The following CLIP4 variants were observed in gnomAD, a reference collection of about 807,000 sequenced individuals.
CLIP4 encodes CAP-Gly domain-containing linker protein 4.
Under a neutral mutation model 73.1 loss-of-function variants are expected in CLIP4, and 47 were observed. The ratio of observed to expected loss-of-function variants is 0.64; its 90% CI spans 0.51 to 0.82. The LOEUF (loss-of-function observed/expected upper bound fraction) is 0.82. Ranked by LOEUF, CLIP4 falls within the 40% of genes least tolerant of loss-of-function variation. The pLI is 0.00. For synonymous variants in CLIP4, 306 were observed against 295.4 expected, an observed-to-expected ratio of 1.04 and a Z score of -0.37; for missense variants, 874 against 852.9, an observed-to-expected ratio of 1.02 and a Z score of -0.31.
intron 7 of CLIP4, among the ~76,000 whole-genome samples, chr2:29,144,400 G>A (rs780597874): frequency 6.6e-6 from 1 of 152,136 alleles, no homozygotes; most frequent in South Asian, 2.1e-4. Flanking sequence ...ATAAGGATTT[G>A]TGTGGAAAAG....
chr2:29,104,197 C>T (rs1268910832), intron 1 of CLIP4, among the ~76,000 whole-genome samples: 3 of 152,202 alleles, frequency 2.0e-5, no homozygotes, highest in Non-Finnish European at 4.4e-5. Context: ...TTTACTCATA[C>T]TAAGAATTAC....
upstream of CLIP4, among the ~76,000 whole-genome samples, chr2:29,111,752 G>A (rs1336026468): frequency 6.6e-6 from 1 of 152,028 alleles, no homozygotes; most frequent in Non-Finnish European, 1.5e-5. Flanking sequence ...TTTTTTCTAT[G>A]GTATTCTTAA....
intron 12 of CLIP4, among the ~76,000 whole-genome samples, chr2:29,163,134 C>T (rs1384355139): frequency 6.6e-6 from 1 of 151,970 alleles, no homozygotes. Context: ...TTAAAGCAAC[C>T]TTGCTACTTT....
intron 6 of CLIP4, among the ~76,000 whole-genome samples, chr2:29,138,109 G>A (rs1332914724): frequency 6.6e-6 from 1 of 152,064 alleles, no homozygotes; most frequent in Non-Finnish European, 1.5e-5. Flanking sequence ...GTATTTCCTA[G>A]GTTTTCGTCT....
chr2:29,148,397 T>G (rs944519907), intron 8 of CLIP4, among the ~76,000 whole-genome samples: 83 of 152,384 alleles, frequency 5.4e-4, no homozygotes, highest in Non-Finnish European at 9.3e-4. Flanking sequence ...TCTATTGATC[T>G]GTTAATTCTC....
At chr2:29,099,448 T>C (rs1667976233) in intron 1 of CLIP4, among the ~76,000 whole-genome samples, 1 of 152,244 alleles carries the variant, frequency 6.6e-6, no homozygotes, top group Non-Finnish European at 1.5e-5. Context: ...TAGGGCCATT[T>C]ATTTAAAAGA....
chr2:29,158,042 T>A (rs1001798772), intron 11 of CLIP4, among the ~76,000 whole-genome samples: 4 of 152,160 alleles, frequency 2.6e-5, no homozygotes, highest in Non-Finnish European at 5.9e-5. Flanking sequence ...GACAGATTTC[T>A]AAAAAAATAC....
intron 2 of CLIP4, chr2:29,130,947 T>C: frequency 7.8e-7 from 1 of 1,279,154 alleles, no homozygotes; most frequent in Non-Finnish European, 1.0e-6. Flanking sequence ...GAGACAGACC[T>C]GGTTTTCTAC....
At chr2:29,158,946 T>A (rs1191290654) in intron 11 of CLIP4, among the ~76,000 whole-genome samples, 1 of 152,176 alleles carries the variant, frequency 6.6e-6, no homozygotes, top group South Asian at 2.1e-4. Context: ...TGTGTCCCAC[T>A]GTTGAACTTG....
chr2:29,181,516 T>A, intron 15 of CLIP4, 56 bp from the exon 16 acceptor site: 2 of 1,363,904 alleles, frequency 1.5e-6, no homozygotes, highest in Non-Finnish European at 2.0e-6. Flanking sequence ...ATATGATGCA[T>A]TGCATTACGT....
intron 2 of CLIP4, chr2:29,129,955 A>C: frequency 2.1e-6 from 1 of 470,810 alleles, no homozygotes; most frequent in Admixed American, 2.3e-5. Context: ...GGTCTTAACT[A>C]TTAAGGATTC....
At position 29,182,716 on chromosome 2, in the gene CLIP4, T is replaced by C. The variant is rs1451661569; in HGVS notation, c.*823T>C. On this transcript the variant is annotated 3_prime_UTR_variant, in exon 16 of 16. Coordinates refer to ENST00000320081, the MANE Select transcript of CLIP4 (RefSeq NM_024692.6). ...AAGGTTTATGAATTCAAGTAATAAT[T>C]AGATTTTTTTTGCACAGACTTACTT... is the stretch of plus-strand genomic sequence containing the variant. 1 of 152,648 alleles carries C rather than the reference T, an allele frequency of 6.6e-6. No individual in the cohort carries two copies. Among genetic ancestry groups the C allele is most frequent in the African/African-American group, 2.4e-5 (1 of 41,464 alleles). The allele number at this position is 152,648 out of a possible 1,614,324, so 9.5% of individuals were successfully genotyped here.
intron 12 of CLIP4, among the ~76,000 whole-genome samples, chr2:29,163,096 A>C (rs1316264072): frequency 6.6e-6 from 1 of 152,022 alleles, no homozygotes; most frequent in Non-Finnish European, 1.5e-5. Flanking sequence ...TTTTGTGTCC[A>C]TTTACCTTAT....
chr2:29,154,119 C>T (rs1431488447), intron 9 of CLIP4, among the ~76,000 whole-genome samples: 1 of 152,082 alleles, frequency 6.6e-6, no homozygotes, highest in African/African-American at 2.4e-5. Context: ...TTTTTTTCTA[C>T]AGGTATTTTA....
At chr2:29,148,989 G>T (rs1225022320) in intron 8 of CLIP4, among the ~76,000 whole-genome samples, 1 of 152,202 alleles carries the variant, frequency 6.6e-6, no homozygotes, top group African/African-American at 2.4e-5. Context: ...TATTCTCTCA[G>T]TATATTTAAG....
intron 5 of CLIP4, among the ~76,000 whole-genome samples, chr2:29,134,882 C>T (rs1665237072): frequency 6.6e-6 from 1 of 152,114 alleles, no homozygotes. Flanking sequence ...TATTATGAAT[C>T]AATTTATAGG....
chr2:29,162,510 G>T (rs565675133), intron 12 of CLIP4, among the ~76,000 whole-genome samples: 1 of 152,236 alleles, frequency 6.6e-6, no homozygotes, highest in Non-Finnish European at 1.5e-5. Context: ...GTTAACACTT[G>T]TCATATGTAT....
chr2:29,174,271 TTAATA>T, intron 14 of CLIP4, 97 bp from the exon 15 acceptor site: 2 of 1,033,206 alleles, frequency 1.9e-6, no homozygotes, highest in Middle Eastern at 3.1e-4. Context: ...AAAGAAACAT[TTAATA>T]TAATAGAACA....
At chr2:29,175,951 C>T (rs907067431) in intron 15 of CLIP4, among the ~76,000 whole-genome samples, 10 of 151,992 alleles carry the variant, frequency 6.6e-5, no homozygotes, top group South Asian at 4.1e-4. Flanking sequence ...TTAGTAGAGA[C>T]GGGATTTCAC....
Sources: allele counts gnomAD v4.1 joint callset (sites outside exome capture counted in the v4.1 genomes callset), GRCh38; gene constraint gnomAD v4.1.1; transcripts MANE v1.5; gene names NCBI Gene and HGNC (gene_info 2026-07-23, HGNC 2026-07-21).